Variants in MYRIP observed in about 807,000 individuals in gnomAD.
MYRIP encodes myosin VIIA and Rab interacting protein, also known as rab effector MyRIP.
In MYRIP, 49 loss-of-function variants were observed where a neutral mutation model predicts 98.0. The ratio of observed to expected loss-of-function variants is 0.50; its 90% confidence interval spans 0.40 to 0.63. The LOEUF (loss-of-function observed/expected upper bound fraction) is 0.63. MYRIP is among the 30% of genes least tolerant of loss of function. The pLI is 0.00. For synonymous variants in MYRIP, 404 were observed against 409.5 expected, an observed-to-expected ratio of 0.99 and a Z score of 0.16; for missense variants, 1,004 against 1,058.2, an observed-to-expected ratio of 0.95 and a Z score of 0.71.
chr3:39,957,187 G>C (rs1329432303), intron 2 of MYRIP, among the ~76,000 whole-genome samples: 1 of 151,738 alleles, frequency 6.6e-6, no homozygotes, highest in East Asian at 1.9e-4. Context: ...TATGAGGCCA[G>C]CATCATCCTG....
In MYRIP at chr3:40,185,098, C is replaced by T. The variant is rs533217238; in HGVS notation, c.1027+2725C>T. ...GCAGAAACATCAAATAGAAGCGTTCCGAAGGTGGAGGTCATCTTAGAAAGT... is the reference window on the plus strand; with the variant it reads ...GCAGAAACATCAAATAGAAGCGTTCTGAAGGTGGAGGTCATCTTAGAAAGT... On this transcript the variant is annotated intron_variant, in intron 9 of 16. Coordinates refer to ENST00000302541, the MANE Select transcript of MYRIP (RefSeq NM_015460.4). Among the ~76,000 whole-genome samples the T allele has an allele frequency of 2.6e-5, 4 of 152,220 alleles. No homozygotes were observed. The East Asian group carries it at 7.7e-4, about 29-fold the overall frequency.
chr3:39,968,771 T>C (rs1945506523), intron 2 of MYRIP, among the ~76,000 whole-genome samples: 1 of 152,218 alleles, frequency 6.6e-6, no homozygotes, highest in African/African-American at 2.4e-5. Flanking sequence ...CCTCCAGCTT[T>C]GTTCATTTTG....
intron 1 of MYRIP, among the ~76,000 whole-genome samples, chr3:39,867,237 A>T (rs2125625634): frequency 6.6e-6 from 1 of 152,326 alleles, no homozygotes. Flanking sequence ...AGGAGAAAAC[A>T]TTAGGAAAAA....
At chr3:40,131,092 A>C (rs1221068077) in intron 3 of MYRIP, among the ~76,000 whole-genome samples, 1 of 152,196 alleles carries the variant, frequency 6.6e-6, no homozygotes, top group Non-Finnish European at 1.5e-5. Context: ...ATTTATGAGA[A>C]TTTTGAAGAA....
At chr3:40,065,838 A>G (rs1948115872) in intron 3 of MYRIP, among the ~76,000 whole-genome samples, 1 of 152,100 alleles carries the variant, frequency 6.6e-6, no homozygotes, top group African/African-American at 2.4e-5. Flanking sequence ...TTTGTACCCA[A>G]CACAGCTCGA....
chr3:40,180,010 G>A (rs139672717), intron 8 of MYRIP, among the ~76,000 whole-genome samples: 127 of 152,232 alleles, frequency 8.3e-4, no homozygotes, highest in Non-Finnish European at 1.4e-3. Context: ...TAGCAGAATC[G>A]CAGAATGGCT....
chr3:39,979,835 C>G (rs546185419), intron 2 of MYRIP, among the ~76,000 whole-genome samples: 11 of 152,186 alleles, frequency 7.2e-5, no homozygotes, highest in African/African-American at 2.2e-4. Context: ...CACATAAATA[C>G]TTTGTCACCT....
intron 2 of MYRIP, among the ~76,000 whole-genome samples, chr3:39,979,923 A>C (rs1477189805): frequency 6.6e-6 from 1 of 152,208 alleles, no homozygotes; most frequent in Non-Finnish European, 1.5e-5. Context: ...ATCTGTTTAA[A>C]TCATTCAGTG....
At chr3:40,063,376 G>A (rs1948059573) in intron 3 of MYRIP, among the ~76,000 whole-genome samples, 2 of 152,152 alleles carry the variant, frequency 1.3e-5, no homozygotes, top group African/African-American at 2.4e-5. Flanking sequence ...ATGTAAGAGA[G>A]TGTCCTTGTT....
chr3:39,847,510 C>T (rs1004017747), intron 1 of MYRIP, among the ~76,000 whole-genome samples: 4 of 152,044 alleles, frequency 2.6e-5, no homozygotes, highest in Admixed American at 2.0e-4. Context: ...TCATAACTAC[C>T]CTCTTCCACT....
Position 39,900,931 on chromosome 3 carries a change from G to C in MYRIP, c.110+5G>C. The C allele has an allele frequency of 6.2e-7, 1 of 1,608,322 alleles. No homozygotes were observed. The highest frequency in any genetic ancestry group is 1.1e-5 in the South Asian group (1 of 90,994). On this transcript the variant is annotated splice_donor_5th_base_variant and intron_variant, in intron 2 of 16. Coordinates refer to ENST00000302541, the MANE Select transcript of MYRIP (RefSeq NM_015460.4). ...AAAAGAAGAAGAACGACTAAGGTGA[G>C]ATGCCTGTTTTGCTCAGCAGCGTAC... is the stretch of plus-strand genomic sequence containing the variant.
chr3:39,968,155 T>C (rs1209034042), intron 2 of MYRIP, among the ~76,000 whole-genome samples: 1 of 152,156 alleles, frequency 6.6e-6, no homozygotes, highest in African/African-American at 2.4e-5. Flanking sequence ...CCCATTCCTA[T>C]GTCCAGGATG....
chr3:40,258,314 A>T lies in MYRIP; in HGVS notation c.*148A>T. On this transcript the variant is annotated 3_prime_UTR_variant, in exon 17 of 17. Transcript: ENST00000302541. Reference sequence around the variant, plus strand: ...TGCACCATTGCACAGGGCTGTCCTGATACCTCATCCAGAAAGCCGTCTCAG... The same window carrying T: ...TGCACCATTGCACAGGGCTGTCCTGTTACCTCATCCAGAAAGCCGTCTCAG... The T allele has an allele frequency of 3.5e-6, 3 of 852,268 alleles. No individual in the cohort carries two copies. The highest frequency in any genetic ancestry group is 5.7e-6 in the Non-Finnish European group (3 of 528,248). 52.8% of individuals were successfully genotyped at this position (852,268 alleles called of 1,614,324 possible).
chr3:40,153,365 C>T (rs1950158370), intron 4 of MYRIP, among the ~76,000 whole-genome samples: 1 of 152,184 alleles, frequency 6.6e-6, no homozygotes, highest in Non-Finnish European at 1.5e-5. Context: ...CTTCCAGGGC[C>T]TAAGTAGCCT....
chr3:39,948,936 A>C (rs1435630883), intron 2 of MYRIP, among the ~76,000 whole-genome samples: 1 of 152,152 alleles, frequency 6.6e-6, no homozygotes, highest in East Asian at 1.9e-4. Context: ...AAGGAATAAC[A>C]ACCAGACAGA....
chr3:39,954,234 A>G (rs1945099634), intron 2 of MYRIP, among the ~76,000 whole-genome samples: 1 of 152,180 alleles, frequency 6.6e-6, no homozygotes, highest in African/African-American at 2.4e-5. Flanking sequence ...CTGACACCCA[A>G]GTAGCTTAAC....
At chr3:39,898,068 C>T (rs1468231719) in intron 1 of MYRIP, among the ~76,000 whole-genome samples, 1 of 152,090 alleles carries the variant, frequency 6.6e-6, no homozygotes, top group African/African-American at 2.4e-5. Context: ...TCTCTTTATG[C>T]TCATCAGGAA....
chr3:39,870,707 C>T (rs995947369), intron 1 of MYRIP, among the ~76,000 whole-genome samples: 4 of 152,118 alleles, frequency 2.6e-5, no homozygotes, highest in South Asian at 2.1e-4. Context: ...ACTGTTTTCA[C>T]GCCCTTTCTC....
chr3:39,913,095 A>G (rs938325538), intron 2 of MYRIP, among the ~76,000 whole-genome samples: 1 of 152,208 alleles, frequency 6.6e-6, no homozygotes, highest in Admixed American at 6.5e-5. Flanking sequence ...ATATTCCTGT[A>G]GATAAAGACA....
Sources: gnomAD v4.1 joint callset for allele counts (sites outside exome capture counted in the v4.1 genomes callset) on GRCh38, gnomAD v4.1.1 for gene constraint, MANE v1.5 for transcripts, NCBI Gene and HGNC (gene_info 2026-07-23, HGNC 2026-07-21) for gene names.